Variants in PLD1 observed in about 807,000 individuals in gnomAD.
The protein encoded by PLD1 is phospholipase D1, also known as choline phosphatase 1.
In PLD1, 112 loss-of-function variants were observed where a neutral mutation model predicts 137.1. The observed-to-expected ratio is 0.82, with a 90% CI of 0.70 to 0.96. PLD1 has a LOEUF of 0.96. Among genes scored for constraint, PLD1 ranks in the 40% least tolerant of loss-of-function variants. The pLI is 0.00. For missense variants in PLD1, 1,321 were observed against 1,342.0 expected (o/e 0.98, Z 0.24); for synonymous variants, 431 against 454.7 (o/e 0.95, Z 0.66).
intron 1 of PLD1, among the ~76,000 whole-genome samples, chr3:171,749,255 TCTCAGATAAGC>T (rs1303551885): frequency 6.6e-5 from 10 of 152,126 alleles, no homozygotes; most frequent in Non-Finnish European, 1.5e-4. Flanking sequence ...GGGTTCTGGA[TCTCAGATAAGC>T]ATCTGAGATT....
chr3:171,637,092 T>C (rs1445169825), intron 23 of PLD1, among the ~76,000 whole-genome samples: 2 of 152,246 alleles, frequency 1.3e-5, no homozygotes, highest in Non-Finnish European at 2.9e-5. Context: ...TTTCAGATGT[T>C]AAAACCAACC....
chr3:171,755,091 C>A (rs977381936), intron 1 of PLD1, among the ~76,000 whole-genome samples: 4 of 152,112 alleles, frequency 2.6e-5, no homozygotes, highest in Non-Finnish European at 4.4e-5. Flanking sequence ...GAAATTCAAT[C>A]CTGGGCCACA....
chr3:171,633,910 T>C (rs1734893644), intron 23 of PLD1, among the ~76,000 whole-genome samples: 1 of 152,244 alleles, frequency 6.6e-6, no homozygotes, highest in African/African-American at 2.4e-5. Context: ...TATATACTAA[T>C]AGCTGCTGGT....
rs538406923 is a variant in PLD1, at chr3:171,713,802, C to T, written c.911+91G>A. The T allele has an allele frequency of 8.7e-6, 10 of 1,150,536 alleles. No homozygotes were observed. The African/African-American group carries it at 1.2e-4, about 14-fold the overall frequency. 71.3% of individuals were successfully genotyped at this position (1,150,536 alleles called of 1,614,324 possible). ...AGCTCTAAATTACAATTTTCTAACA[C>T]TTTTTAAACTCCTTTTTTACTTAAG... On this transcript the variant is annotated intron_variant, in intron 9 of 26. Coordinates refer to ENST00000351298, the MANE Select transcript of PLD1 (RefSeq NM_002662.5).
At chr3:171,639,415 T>A (rs111215355) in intron 23 of PLD1, among the ~76,000 whole-genome samples, 1 of 125,752 alleles carries the variant, frequency 8.0e-6, no homozygotes, top group Non-Finnish European at 1.6e-5. Context: ...TATATATAAT[T>A]TTTAATTTAT....
intron 19 of PLD1, among the ~76,000 whole-genome samples, chr3:171,667,965 T>C (rs1712323640): frequency 1.3e-5 from 2 of 152,340 alleles, no homozygotes; most frequent in South Asian, 4.1e-4. Context: ...TTGGCCACGC[T>C]GGTTTCGAAC....
At chr3:171,750,660 A>G (rs975479401) in intron 1 of PLD1, among the ~76,000 whole-genome samples, 6 of 152,232 alleles carry the variant, frequency 3.9e-5, no homozygotes, top group Non-Finnish European at 2.9e-5. Context: ...AGAGAAAAAT[A>G]GCTTGTGTTC....
chr3:171,758,925 T>C (rs1049772065), intron 1 of PLD1, among the ~76,000 whole-genome samples: 4 of 152,214 alleles, frequency 2.6e-5, no homozygotes, highest in African/African-American at 7.2e-5. Context: ...GCATGTATCA[T>C]GTAGCAAATA....
At chr3:171,626,283 G>A (rs546981347) in intron 23 of PLD1, among the ~76,000 whole-genome samples, 94 of 152,258 alleles carry the variant, frequency 6.2e-4, no homozygotes, top group African/African-American at 1.5e-3. Context: ...GAAATGAAGC[G>A]AGAAGGGAAG....
chr3:171,712,994 G>A (rs1276394620), intron 9 of PLD1, among the ~76,000 whole-genome samples: 1 of 152,106 alleles, frequency 6.6e-6, no homozygotes, highest in Non-Finnish European at 1.5e-5. Flanking sequence ...TGTGCACAGG[G>A]AGAAATGCAT....
chr3:171,792,520 A>G (rs1038016506), intron 1 of PLD1: 2 of 452,410 alleles, frequency 4.4e-6, no homozygotes, highest in Non-Finnish European at 8.9e-6. Context: ...TCAGACACGA[A>G]GGTCTCGCTG....
chr3:171,775,855 C>CA (rs538548109), intron 1 of PLD1, among the ~76,000 whole-genome samples: 2 of 150,402 alleles, frequency 1.3e-5, no homozygotes, highest in Admixed American at 6.6e-5. Context: ...AATAAGTAAA[C>CA]AAAAAAAATT....
At chr3:171,728,059 C>A (rs1718670632) in intron 6 of PLD1, among the ~76,000 whole-genome samples, 1 of 152,196 alleles carries the variant, frequency 6.6e-6, no homozygotes, top group Non-Finnish European at 1.5e-5. Flanking sequence ...CCTGTAATCC[C>A]AGCATTTTGG....
chr3:171,606,707 A>C (rs1732234236), intron 25 of PLD1, among the ~76,000 whole-genome samples: 1 of 152,200 alleles, frequency 6.6e-6, no homozygotes, highest in Non-Finnish European at 1.5e-5. Flanking sequence ...GTAGATTTGC[A>C]TCATCATTTT....
chr3:171,670,453 A>G (rs1313222921), intron 19 of PLD1, among the ~76,000 whole-genome samples: 1 of 152,250 alleles, frequency 6.6e-6, no homozygotes, highest in Non-Finnish European at 1.5e-5. Flanking sequence ...CTGAAGCTGC[A>G]AGGAACATGA....
At chr3:171,730,616 A>G (rs1376039553) in intron 6 of PLD1, among the ~76,000 whole-genome samples, 5 of 150,182 alleles carry the variant, frequency 3.3e-5, no homozygotes, top group Non-Finnish European at 7.4e-5. Flanking sequence ...ATCCTATTAT[A>G]CAAACACCTT....
intron 21 of PLD1, among the ~76,000 whole-genome samples, chr3:171,652,184 C>T (rs1017151745): frequency 2.0e-5 from 3 of 152,040 alleles, no homozygotes; most frequent in African/African-American, 7.2e-5. Context: ...CAGGCCAAGG[C>T]GGGCGGACCA....
intron 24 of PLD1, among the ~76,000 whole-genome samples, chr3:171,619,842 G>A (rs536069004): frequency 6.6e-5 from 10 of 152,024 alleles, no homozygotes; most frequent in African/African-American, 1.2e-4. Context: ...CCCAGCACAC[G>A]GGAGACTGAG....
chr3:171,645,169 G>A (rs1736101740), intron 21 of PLD1, 146 bp from the exon 22 acceptor site: 3 of 641,166 alleles, frequency 4.7e-6, no homozygotes, highest in Admixed American at 4.4e-5. Flanking sequence ...ACTTGGGAGG[G>A]TGTGCTGTTG....
Sources: gnomAD v4.1 joint callset for allele counts (sites outside exome capture counted in the v4.1 genomes callset) on GRCh38, gnomAD v4.1.1 for gene constraint, MANE v1.5 for transcripts, NCBI Gene and HGNC (gene_info 2026-07-23, HGNC 2026-07-21) for gene names.